The following DOCK8 variants were observed in gnomAD, a reference collection of about 807,000 sequenced individuals.
DOCK8 encodes the protein dedicator of cytokinesis 8.
Under a neutral mutation model 245.6 loss-of-function variants are expected in DOCK8, and 141 were observed. That is an observed-to-expected ratio of 0.57 (90% CI 0.50 to 0.66). The LOEUF (loss-of-function observed/expected upper bound fraction) is 0.66. Ranked by LOEUF, DOCK8 falls within the 30% of genes least tolerant of loss-of-function variation. The pLI, the probability that DOCK8 is intolerant of heterozygous loss-of-function variation, is 0.00. For synonymous variants in DOCK8, 1,168 were observed against 970.2 expected (o/e 1.20, Z -3.79); for missense variants, 2,965 against 2,603.4 (o/e 1.14, Z -3.02).
At chr9:397,358 A>AG (rs1038522463) in intron 25 of DOCK8, among the ~76,000 whole-genome samples, 1 of 150,036 alleles carries the variant, frequency 6.7e-6, no homozygotes, top group Non-Finnish European at 1.5e-5. Flanking sequence ...CTCAAAAAAA[A>AG]AAAAAAAAAG....
intron 25 of DOCK8, among the ~76,000 whole-genome samples, chr9:398,820 A>C (rs1005218521): frequency 6.6e-6 from 1 of 152,178 alleles, no homozygotes; most frequent in African/African-American, 2.4e-5. Flanking sequence ...GTTACAAAAA[A>C]AAAAGTTACC....
At chr9:255,760 A>C (rs1364827949) in intron 1 of DOCK8, among the ~76,000 whole-genome samples, 1 of 151,718 alleles carries the variant, frequency 6.6e-6, no homozygotes, top group Non-Finnish European at 1.5e-5. Context: ...TCATTTCTTC[A>C]TATGAAGAAT....
chr9:417,406 G>A (rs2056074727), intron 29 of DOCK8, among the ~76,000 whole-genome samples: 1 of 152,178 alleles, frequency 6.6e-6, no homozygotes, highest in African/African-American at 2.4e-5. Flanking sequence ...AATGTCAACA[G>A]GTCTAGAAAA....
intron 2 of DOCK8, among the ~76,000 whole-genome samples, chr9:279,873 C>T (rs775044298): frequency 7.9e-5 from 12 of 152,224 alleles, no homozygotes; most frequent in Non-Finnish European, 1.8e-4. Context: ...TGTAACGAGG[C>T]AGCCAGGTCC....
At chr9:417,890 A>G (rs1216618072) in intron 29 of DOCK8, among the ~76,000 whole-genome samples, 178 bp from the exon 30 acceptor site, 1 of 152,250 alleles carries the variant, frequency 6.6e-6, no homozygotes, top group Admixed American at 6.5e-5. Flanking sequence ...TGTGCTAGAC[A>G]TTGTCTCTTA....
intron 4 of DOCK8, among the ~76,000 whole-genome samples, chr9:293,978 C>T (rs141534412): frequency 5.1e-4 from 77 of 152,288 alleles, no homozygotes; most frequent in Non-Finnish European, 8.8e-4. Context: ...CTCTTCACTG[C>T]GTAAAGCCCA....
intron 2 of DOCK8, among the ~76,000 whole-genome samples, chr9:281,321 C>T: frequency 6.6e-6 from 1 of 152,004 alleles, no homozygotes. Flanking sequence ...GAATGATATG[C>T]ATACTCTGAA....
intron 14 of DOCK8, among the ~76,000 whole-genome samples, chr9:347,381 C>G (rs1045205906): frequency 6.6e-6 from 1 of 152,132 alleles, no homozygotes; most frequent in Non-Finnish European, 1.5e-5. Context: ...GGGTCCACAC[C>G]TGCAGTCCCA....
chr9:265,241 A>G (rs2048010076), intron 1 of DOCK8, among the ~76,000 whole-genome samples: 1 of 106,914 alleles, frequency 9.4e-6, no homozygotes, highest in Non-Finnish European at 2.0e-5. Context: ...CTAAACCTTG[A>G]TTTTTAAAAA....
In DOCK8 at chr9:363,072, T is replaced by C. The variant is rs186220896; in HGVS notation, c.1680-4946T>C. ...TTCGTTGCTAAATCAGTGGAAAGAATTTGGAGTTTCCAAAATAGTTTGTAA... is the reference window on the plus strand; with the variant it reads ...TTCGTTGCTAAATCAGTGGAAAGAACTTGGAGTTTCCAAAATAGTTTGTAA... On this transcript the variant is annotated intron_variant, in intron 14 of 47. Transcript: ENST00000432829. Among the ~76,000 whole-genome samples the C allele has an allele frequency of 4.9e-4, 74 of 152,320 alleles. No individual in the cohort carries two copies. The East Asian group carries it at 0.012, about 25-fold the overall frequency.
At chr9:255,242 A>G (rs914544397) in intron 1 of DOCK8, among the ~76,000 whole-genome samples, 1 of 152,212 alleles carries the variant, frequency 6.6e-6, no homozygotes, top group Non-Finnish European at 1.5e-5. Flanking sequence ...GATCATCCTT[A>G]TAACGATCCT....
At chr9:293,091 G>A (rs886312542) in intron 4 of DOCK8, among the ~76,000 whole-genome samples, 2 of 152,210 alleles carry the variant, frequency 1.3e-5, no homozygotes, top group Non-Finnish European at 2.9e-5. Flanking sequence ...GCACCCCTGT[G>A]TAATGGAGCA....
chr9:246,182 G>A (rs1177800986), intron 1 of DOCK8, among the ~76,000 whole-genome samples: 2 of 151,630 alleles, frequency 1.3e-5, no homozygotes, highest in Non-Finnish European at 2.9e-5. Flanking sequence ...CTGTGCCACT[G>A]CACTCCATCC....
chr9:306,691 C>T (rs1482795334), intron 5 of DOCK8, among the ~76,000 whole-genome samples: 1 of 152,190 alleles, frequency 6.6e-6, no homozygotes, highest in Non-Finnish European at 1.5e-5. Flanking sequence ...GCCCTGTCTG[C>T]TGGAATTTCT....
chr9:360,044 G>C (rs543575295), intron 14 of DOCK8, among the ~76,000 whole-genome samples: 1 of 152,152 alleles, frequency 6.6e-6, no homozygotes, highest in South Asian at 2.1e-4. Context: ...GGCCAAGTAT[G>C]GTGGCTCACA....
intron 43 of DOCK8, among the ~76,000 whole-genome samples, chr9:444,986 T>C (rs761321601): frequency 2.6e-5 from 4 of 152,244 alleles, no homozygotes; most frequent in Non-Finnish European, 4.4e-5. Flanking sequence ...CAGTTCCATC[T>C]TCCAGGATAT....
intron 28 of DOCK8, among the ~76,000 whole-genome samples, chr9:408,892 ACACGCGCG>A (rs56315554): frequency 1.7e-4 from 20 of 117,834 alleles, no homozygotes; most frequent in Admixed American, 5.9e-4. Flanking sequence ...ACACACGCAC[ACACGCGCG>A]TGCACATGCA....
rs1006734308 is a variant in DOCK8, at chr9:463,402, C to G, written c.6069-115C>G. 8 of 1,277,812 alleles carry G rather than the reference C, an allele frequency of 6.3e-6. No individual in the cohort carries two copies. The African/African-American group carries it at 7.4e-5, about 12-fold the overall frequency. The allele number at this position is 1,277,812 out of a possible 1,614,324, so 79.2% of individuals were successfully genotyped here. ...TCCACAGGTGATCCCGATATGCCAC[C>G]CAGTTTGAAAACGTTCTTAAAGTTA... On this transcript the variant is annotated intron_variant, in intron 46 of 47. Coordinates refer to ENST00000432829, the MANE Select transcript of DOCK8 (RefSeq NM_203447.4).
intron 1 of DOCK8, among the ~76,000 whole-genome samples, chr9:253,662 G>C (rs2047702462): frequency 6.6e-6 from 1 of 152,190 alleles, no homozygotes; most frequent in Non-Finnish European, 1.5e-5. Flanking sequence ...GGAATACCTT[G>C]CCCTTGACCA....
Sources: allele counts gnomAD v4.1 joint callset (sites outside exome capture counted in the v4.1 genomes callset), GRCh38; gene constraint gnomAD v4.1.1; transcripts MANE v1.5; gene names NCBI Gene and HGNC (gene_info 2026-07-23, HGNC 2026-07-21).